KCNQ1: variants seen among roughly 807,000 people sequenced by gnomAD.
KCNQ1 encodes potassium voltage-gated channel subfamily Q member 1, also known as potassium voltage-gated channel subfamily KQT member 1.
KCNQ1 carries 49 observed loss-of-function variants against 72.4 expected under a neutral mutation model. The ratio of observed to expected loss-of-function variants is 0.68; its 90% CI spans 0.54 to 0.86. KCNQ1 has a LOEUF of 0.86. Among genes scored for constraint, KCNQ1 ranks in the 40% least tolerant of loss-of-function variants. The pLI, the probability that KCNQ1 is intolerant of heterozygous loss-of-function variation, is 0.00. For synonymous variants in KCNQ1, 450 were observed against 412.6 expected (o/e 1.09, Z -1.10); for missense variants, 790 against 945.1 (o/e 0.84, Z 2.15).
At chr11:2,569,189 C>T (rs1422197894) in intron 2 of KCNQ1, among the ~76,000 whole-genome samples, 1 of 152,166 alleles carries the variant, frequency 6.6e-6, no homozygotes, top group Non-Finnish European at 1.5e-5. Context: ...TGGCCCACAC[C>T]CTTTCTTTAC....
intron 1 of KCNQ1, among the ~76,000 whole-genome samples, chr11:2,489,621 C>T (rs1461161144): frequency 6.6e-6 from 1 of 152,166 alleles, no homozygotes; most frequent in East Asian, 1.9e-4. Flanking sequence ...GACTCTTTTC[C>T]TCTGCTTAAA....
At chr11:2,760,064 C>T (rs929122014) in intron 11 of KCNQ1, among the ~76,000 whole-genome samples, 7 of 152,198 alleles carry the variant, frequency 4.6e-5, no homozygotes, top group Non-Finnish European at 5.9e-5. Flanking sequence ...CAGTGTCCTT[C>T]GATGGCCCCC....
intron 15 of KCNQ1, among the ~76,000 whole-genome samples, chr11:2,838,443 A>T (rs1848130165): frequency 8.2e-6 from 1 of 121,846 alleles, no homozygotes. Context: ...GGAGCCACTG[A>T]GGGTTAGAGC....
At chr11:2,655,234 C>T in intron 10 of KCNQ1, 1 of 398,632 alleles carries the variant, frequency 2.5e-6, no homozygotes. Context: ...CCCGAGGCTG[C>T]CTTTGCCATC....
chr11:2,825,240 G>C (rs1347185302), intron 15 of KCNQ1, among the ~76,000 whole-genome samples: 2 of 152,244 alleles, frequency 1.3e-5, no homozygotes, highest in Admixed American at 6.5e-5. Flanking sequence ...CATAGCCCAG[G>C]AAGCCAGTTC....
chr11:2,644,744 G>A, intron 10 of KCNQ1: 1 of 398,606 alleles, frequency 2.5e-6, no homozygotes, highest in Non-Finnish European at 4.4e-6. Context: ...TGTTCTTTGG[G>A]CAGGGCACTT....
intron 11 of KCNQ1, chr11:2,699,669 G>GCGCCGAAGAACCCCCGGGGAC (rs1564862610): frequency 6.6e-5 from 18 of 273,780 alleles, no homozygotes; most frequent in South Asian, 6.2e-4. Context: ...CCCCCGGGGA[G>GCGCCGAAGAACCCCCGGGGAC]AACCGCGCCG....
At chr11:2,505,066 TTTTAA>T (rs1047241254) in intron 1 of KCNQ1, among the ~76,000 whole-genome samples, 4 of 152,144 alleles carry the variant, frequency 2.6e-5, no homozygotes, top group Admixed American at 6.5e-5. Flanking sequence ...TTTTTTTTTT[TTTTAA>T]TTTAAGTCCC....
chr11:2,575,220 G>A (rs1033087544), intron 6 of KCNQ1, among the ~76,000 whole-genome samples: 2 of 152,182 alleles, frequency 1.3e-5, no homozygotes, highest in African/African-American at 4.8e-5. Context: ...GCAAACATCC[G>A]CCCGCTGGCC....
intron 15 of KCNQ1, among the ~76,000 whole-genome samples, chr11:2,792,227 T>G (rs1847041274): frequency 6.6e-6 from 1 of 152,050 alleles, no homozygotes; most frequent in Non-Finnish European, 1.5e-5. Context: ...TCTCCACGTG[T>G]GGAAGACGCT....
At position 2,828,187 on chromosome 11, in the gene KCNQ1, G is replaced by A. The variant is rs1255432863; in HGVS notation, c.1795-19580G>A. 6.6e-6 allele frequency among the ~76,000 whole-genome samples: 1 copy of A among 152,208 alleles called. No individual in the cohort carries two copies. The highest frequency in any genetic ancestry group is 2.4e-5 in the African/African-American group (1 of 41,462). ...CCTGGGAGCTGGAGGACCTCAGCAG[G>A]CAGGGACTAGCACCCAAGAAGAAAA... On this transcript the variant is annotated intron_variant, in intron 15 of 15. Transcript: ENST00000155840. The surrounding 1 kb of genome is among the most constrained non-coding windows in gnomAD (Gnocchi z 5.3).
At chr11:2,496,218 C>G (rs931735578) in intron 1 of KCNQ1, among the ~76,000 whole-genome samples, 1 of 151,948 alleles carries the variant, frequency 6.6e-6, no homozygotes, top group African/African-American at 2.4e-5. Flanking sequence ...GGTTGGATCA[C>G]GAGATCAGGA....
At chr11:2,775,882 C>T in intron 12 of KCNQ1, 78 bp from the exon 13 acceptor site, 7 of 1,406,230 alleles carry the variant, frequency 5.0e-6, no homozygotes, top group Non-Finnish European at 3.0e-6. Flanking sequence ...CGAGGGCAGA[C>T]ACTGTCACTG....
At chr11:2,832,591 G>T (rs234861) in intron 15 of KCNQ1, among the ~76,000 whole-genome samples, 2 of 152,102 alleles carry the variant, frequency 1.3e-5, no homozygotes, top group Non-Finnish European at 2.9e-5. Flanking sequence ...CAGGCAAAGC[G>T]CCAAGCACCC....
chr11:2,666,035 C>T (rs1850060623), intron 11 of KCNQ1: 1 of 398,552 alleles, frequency 2.5e-6, no homozygotes, highest in Non-Finnish European at 4.4e-6. Flanking sequence ...ACATGGATAC[C>T]TGAGATAGAC....
At chr11:2,633,567 T>C (rs79596465) in intron 10 of KCNQ1, 5,089 of 398,574 alleles carry the variant, frequency 0.013, 155 homozygotes, top group East Asian at 0.079. Flanking sequence ...ATAGTATAGT[T>C]TCATTCTTCT....
intron 1 of KCNQ1, among the ~76,000 whole-genome samples, chr11:2,472,173 T>C (rs1163860826): frequency 7.3e-6 from 1 of 137,616 alleles, no homozygotes; most frequent in Non-Finnish European, 1.6e-5. Context: ...GTGTGCACCT[T>C]TGTGTGTATA....
At chr11:2,641,950 G>T (rs1023267723) in intron 10 of KCNQ1, 39 of 398,218 alleles carry the variant, frequency 9.8e-5, no homozygotes, top group African/African-American at 8.0e-4. Flanking sequence ...GTAAATACAT[G>T]GATTTACTTC....
rs1850146575 is a variant in KCNQ1, at chr11:2,669,686, A to G, written c.1514+7605A>G. On this transcript the variant is annotated intron_variant, in intron 11 of 15. Coordinates refer to ENST00000155840, the MANE Select transcript of KCNQ1 (RefSeq NM_000218.3). The surrounding 1 kb of genome is among the most constrained non-coding windows in gnomAD (Gnocchi z 5.6). Reference sequence around the variant, plus strand: ...ACAGTATTAGTGTAAGGCCTTGAGGAGATGGTGTTAGGCATCCAGCCACAT... The same window carrying G: ...ACAGTATTAGTGTAAGGCCTTGAGGGGATGGTGTTAGGCATCCAGCCACAT... 1.0e-5 allele frequency: 4 copies of G among 398,560 alleles called. No individual in the cohort carries two copies. The South Asian group carries it at 5.1e-4, about 51-fold the overall frequency. The allele number at this position is 398,560 out of a possible 1,614,324, so 24.7% of individuals were successfully genotyped here.
Sources: gnomAD v4.1 joint callset for allele counts (sites outside exome capture counted in the v4.1 genomes callset) on GRCh38, gnomAD v4.1.1 for gene constraint, Gnocchi (gnomAD v3.1) non-coding constraint, MANE v1.5 for transcripts, NCBI Gene and HGNC (gene_info 2026-07-23, HGNC 2026-07-21) for gene names.